BPIFC: variants seen among roughly 807,000 people sequenced by gnomAD.
BPIFC encodes BPI fold containing family C.
Under a neutral mutation model 57.6 loss-of-function variants are expected in BPIFC, and 60 were observed. The observed-to-expected ratio is 1.04, with a 90% CI of 0.85 to 1.29. BPIFC has a LOEUF of 1.29. Among genes scored for constraint, BPIFC ranks in the 50% most tolerant of loss-of-function variants. The pLI, the probability that BPIFC is intolerant of heterozygous loss-of-function variation, is 0.00. For synonymous variants in BPIFC, 243 were observed against 224.5 expected (o/e 1.08, Z -0.74); for missense variants, 581 against 600.5 (o/e 0.97, Z 0.34).
At position 32,415,984 on chromosome 22, in the gene BPIFC, C is replaced by T. The variant is rs907833288; in HGVS notation, c.1332G>A (p.Leu444=). 5 of 1,580,822 alleles carry T rather than the reference C, an allele frequency of 3.2e-6. No individual in the cohort carries two copies. The Admixed American group carries it at 7.4e-5, about 23-fold the overall frequency. ...GATTGGACAGAGGAAATCCTTGCTG[C>T]AATTTTGCTAAAATATAGAACAAGA... ...FGVLPLANAK[L]QQGFPLSNPH... The change falls in exon 16 of 17, where the codon TTG becomes TTA. Residue 444 remains leucine, a synonymous_variant. Transcript: ENST00000300399.
At chr22:32,452,856 G>A (rs1229655660) in intron 4 of BPIFC, among the ~76,000 whole-genome samples, 1 of 152,114 alleles carries the variant, frequency 6.6e-6, no homozygotes, top group Non-Finnish European at 1.5e-5. Flanking sequence ...GCTCCAGATG[G>A]ACAAAGCTAT....
At chr22:32,424,187 G>T (rs757998942) in intron 13 of BPIFC, among the ~76,000 whole-genome samples, 1 of 152,168 alleles carries the variant, frequency 6.6e-6, no homozygotes, top group Non-Finnish European at 1.5e-5. Flanking sequence ...TGAGGAAACT[G>T]ATACTTAACG....
chr22:32,418,760 T>C (rs1933753971), intron 14 of BPIFC, among the ~76,000 whole-genome samples: 1 of 152,182 alleles, frequency 6.6e-6, no homozygotes, highest in African/African-American at 2.4e-5. Flanking sequence ...GAAACCCACT[T>C]AACTTCTCTA....
At chr22:32,418,927 A>G (rs545653788) in intron 14 of BPIFC, among the ~76,000 whole-genome samples, 1 of 152,272 alleles carries the variant, frequency 6.6e-6, no homozygotes, top group South Asian at 2.1e-4. Context: ...CCATACAAGC[A>G]GCATTGACCT....
intron 2 of BPIFC, among the ~76,000 whole-genome samples, chr22:32,457,886 T>C (rs1199675034): frequency 1.3e-5 from 2 of 152,214 alleles, no homozygotes; most frequent in Non-Finnish European, 2.9e-5. Flanking sequence ...TACACGATGT[T>C]GTCTGTTTGC....
intron 13 of BPIFC, among the ~76,000 whole-genome samples, chr22:32,424,041 A>T (rs1380381763): frequency 6.6e-6 from 1 of 151,970 alleles, no homozygotes; most frequent in African/African-American, 2.4e-5. Context: ...GGGGAAAAAG[A>T]ATGAAATACT....
chr22:32,443,662 G>T (rs1450733950), intron 7 of BPIFC, among the ~76,000 whole-genome samples: 1 of 152,198 alleles, frequency 6.6e-6, no homozygotes, highest in Non-Finnish European at 1.5e-5. Flanking sequence ...GGCATAGTGG[G>T]TACAGCACAG....
intron 1 of BPIFC, 117 bp from the exon 2 acceptor site, chr22:32,461,778 G>A (rs920361053): frequency 1.3e-5 from 4 of 309,238 alleles, no homozygotes; most frequent in Non-Finnish European, 1.9e-5. Context: ...AACATATGGC[G>A]AGGCCAAACT....
chr22:32,461,973 G>T (rs1282358554), intron 1 of BPIFC, among the ~76,000 whole-genome samples: 1 of 151,602 alleles, frequency 6.6e-6, no homozygotes, highest in Non-Finnish European at 1.5e-5. Flanking sequence ...AGAGATCAAG[G>T]CCATCCTGGC....
At position 32,464,415 on chromosome 22, in the gene BPIFC, TTCTC is replaced by T. The variant is rs1180166414; in HGVS notation, c.-134_-131del. On this transcript the variant is annotated 5_prime_UTR_variant, in exon 1 of 17. Coordinates refer to ENST00000300399, the MANE Select transcript of BPIFC (RefSeq NM_174932.3). ...GTCCAAAGCTGGAGAGCACCTTCGA[TTCTC>T]TCTGCCTTTGAAGCTGATGTGTTCT... 1 of 985,198 alleles carries T rather than the reference TTCTC, an allele frequency of 1.0e-6. No individual in the cohort carries two copies. Among genetic ancestry groups the T allele is most frequent in the Admixed American group, 6.2e-5 (1 of 16,256 alleles). 61.0% of individuals were successfully genotyped at this position (985,198 alleles called of 1,614,324 possible).
chr22:32,437,234 A>G (rs1023371118), intron 9 of BPIFC, among the ~76,000 whole-genome samples: 1 of 152,254 alleles, frequency 6.6e-6, no homozygotes, highest in African/African-American at 2.4e-5. Context: ...TATGTTGTAC[A>G]ATACAATCAT....
intron 13 of BPIFC, among the ~76,000 whole-genome samples, chr22:32,424,003 T>C (rs766316227): frequency 2.0e-4 from 31 of 151,876 alleles, no homozygotes; most frequent in Non-Finnish European, 4.3e-4. Context: ...TTTCTCCCTG[T>C]TATTTGGTCA....
Position 32,449,336 on chromosome 22 carries a change from G to A in BPIFC, c.246-1996C>T, listed in dbSNP as rs146601618. Among the ~76,000 whole-genome samples, 464 of 152,316 alleles carry A rather than the reference G, an allele frequency of 3.0e-3. 4 individuals carry two copies. Among genetic ancestry groups the A allele is most frequent in the African/African-American group, 0.01 (429 of 41,568 alleles). On this transcript the variant is annotated intron_variant, in intron 4 of 16. Transcript: ENST00000300399. ...GGGGAGACAAAATGACTTCATTTGT[G>A]TATAATTACTGCACCCAAGAAAGGG...
chr22:32,437,193 C>T (rs1012230800), intron 9 of BPIFC, among the ~76,000 whole-genome samples: 6 of 152,202 alleles, frequency 3.9e-5, no homozygotes, highest in Non-Finnish European at 8.8e-5. Flanking sequence ...GGGGCAAAGA[C>T]ATATGATCCT....
At chr22:32,452,738 G>A in intron 4 of BPIFC, among the ~76,000 whole-genome samples, 1 of 152,146 alleles carries the variant, frequency 6.6e-6, no homozygotes. Context: ...GAGTAGCAGG[G>A]AATTATCACT....
intron 3 of BPIFC, 134 bp from the exon 4 acceptor site, chr22:32,453,637 G>C (rs1934958806): frequency 2.6e-6 from 3 of 1,143,338 alleles, no homozygotes; most frequent in Admixed American, 3.4e-5. Flanking sequence ...CCCACAAAGT[G>C]GGTATTATTG....
chr22:32,437,139 C>T (rs1934428951), intron 9 of BPIFC, among the ~76,000 whole-genome samples: 1 of 152,154 alleles, frequency 6.6e-6, no homozygotes, highest in Non-Finnish European at 1.5e-5. Context: ...CCAATAAATG[C>T]AGACTGCTCT....
Position 32,433,104 on chromosome 22 carries a change from G to A in BPIFC, c.979-561C>T, listed in dbSNP as rs141365913. On this transcript the variant is annotated intron_variant, in intron 11 of 16. Transcript: ENST00000300399. ...TGTAGTCCCAGCTACTTGGGAGGCT[G>A]AGTTGGGAGGATCACTTGAGCAGGG... Among the ~76,000 whole-genome samples the A allele has an allele frequency of 1.4e-4, 22 of 152,334 alleles. No individual in the cohort carries two copies. The East Asian group carries it at 3.5e-3, about 24-fold the overall frequency.
rs534216667 is a variant in BPIFC at position 32,445,957 on chromosome 22, G to A, written c.414C>T (p.Val138=). The change falls in exon 6 of 17, where the codon GTC becomes GTT. Residue 138 remains valine, a synonymous_variant. Coordinates refer to ENST00000300399, the MANE Select transcript of BPIFC (RefSeq NM_174932.3). The part of the protein sequence containing the change: ...TGGADLFLSG[V]YFTGIIILTR... ...TTAGGATAATGATACCGGTAAAGTA[G>A]ACTCCGGAGAGAAACAGATCAGCCC... 6.6e-5 allele frequency: 107 copies of A among 1,614,108 alleles called. No homozygotes were observed. The Admixed American group carries it at 1.2e-3, about 18-fold the overall frequency.
Sources: gnomAD v4.1 joint callset for allele counts (sites outside exome capture counted in the v4.1 genomes callset) on GRCh38, gnomAD v4.1.1 for gene constraint, MANE v1.5 for transcripts, NCBI Gene and HGNC (gene_info 2026-07-23, HGNC 2026-07-21) for gene names.